EEFSEC: variants seen among roughly 807,000 people sequenced by gnomAD.
EEFSEC encodes selenocysteine-specific elongation factor.
A neutral mutation model predicts 42.1 loss-of-function variants in EEFSEC; 43 were observed. The ratio of observed to expected loss-of-function variants is 1.02; its 90% CI spans 0.80 to 1.32. The LOEUF (loss-of-function observed/expected upper bound fraction) is 1.32, where lower values mean the gene tolerates loss of function less well. Ranked by LOEUF, EEFSEC falls within the 40% of genes most tolerant of loss-of-function variation. EEFSEC has a pLI of 0.00. For synonymous variants in EEFSEC, 354 were observed against 339.1 expected (o/e 1.04, Z -0.48); for missense variants, 745 against 803.6 (o/e 0.93, Z 0.88).
chr3:128,382,609 G>A (rs1264534839), intron 6 of EEFSEC, among the ~76,000 whole-genome samples: 1 of 152,144 alleles, frequency 6.6e-6, no homozygotes, highest in African/African-American at 2.4e-5. Context: ...GATTTTATGG[G>A]CTTGTTTTAG....
At chr3:128,221,964 T>C (rs2065864264) in intron 1 of EEFSEC, among the ~76,000 whole-genome samples, 1 of 152,034 alleles carries the variant, frequency 6.6e-6, no homozygotes, top group African/African-American at 2.4e-5. Context: ...AGATTAATTA[T>C]CTTATTAATG....
In EEFSEC at chr3:128,247,046, A is replaced by G. The variant is rs1250268204; in HGVS notation, c.524+3A>G. ...CAGAAGACCCTAGAGAACACCAAGTAGGTCTGCTAATGAGAGCAATGTTCA... is the reference window on the plus strand; with the variant it reads ...CAGAAGACCCTAGAGAACACCAAGTGGGTCTGCTAATGAGAGCAATGTTCA... On this transcript the variant is annotated splice_donor_region_variant and intron_variant, in intron 2 of 6. Coordinates refer to ENST00000254730, the MANE Select transcript of EEFSEC (RefSeq NM_021937.5). 2 of 1,613,748 alleles carry G rather than the reference A, an allele frequency of 1.2e-6. No individual in the cohort carries two copies. Among genetic ancestry groups the G allele is most frequent in the Non-Finnish European group, 1.7e-6 (2 of 1,179,988 alleles).
At chr3:128,217,019 A>G (rs140112855) in intron 1 of EEFSEC, among the ~76,000 whole-genome samples, 11 of 152,328 alleles carry the variant, frequency 7.2e-5, no homozygotes, top group Non-Finnish European at 1.3e-4. Flanking sequence ...AATTTTTATT[A>G]TAAGTATTTA....
At chr3:128,358,134 G>T in intron 5 of EEFSEC, 83 bp from the exon 6 acceptor site, 1 of 1,544,530 alleles carries the variant, frequency 6.5e-7, no homozygotes, top group Non-Finnish European at 8.8e-7. Context: ...GGGCCCGGGA[G>T]AGCTGGGGCT....
chr3:128,284,169 T>G (rs1454834197), intron 4 of EEFSEC, among the ~76,000 whole-genome samples: 1 of 152,180 alleles, frequency 6.6e-6, no homozygotes, highest in Non-Finnish European at 1.5e-5. Context: ...ATAATGAAGA[T>G]CCTATAGTCA....
chr3:128,312,524 T>A (rs1372610706), intron 4 of EEFSEC, among the ~76,000 whole-genome samples: 1 of 152,232 alleles, frequency 6.6e-6, no homozygotes. Context: ...AGAATACCAG[T>A]GTTTAGAAGA....
rs141933425 is a variant in EEFSEC at position 128,175,322 on chromosome 3, A to G, written c.316+21499A>G. 2.9e-4 allele frequency among the ~76,000 whole-genome samples: 44 copies of G among 152,234 alleles called. No individual in the cohort carries two copies. In the East Asian group the frequency reaches 6.6e-3, roughly 23 times the overall value. On this transcript the variant is annotated intron_variant, in intron 1 of 6. Coordinates refer to ENST00000254730, the MANE Select transcript of EEFSEC (RefSeq NM_021937.5). ...CCTTCAGGTTTCCTGTTGCTTTCTA[A>G]GGGAGGTGCCAGGTGCTGGCCCTGT...
intron 1 of EEFSEC, among the ~76,000 whole-genome samples, chr3:128,165,809 G>C (rs1485884313): frequency 6.6e-6 from 1 of 152,212 alleles, no homozygotes; most frequent in Non-Finnish European, 1.5e-5. Flanking sequence ...TGGCCTGGTG[G>C]CTACATCCCT....
intron 6 of EEFSEC, among the ~76,000 whole-genome samples, chr3:128,365,370 C>T (rs1246755731): frequency 6.6e-6 from 1 of 152,190 alleles, no homozygotes; most frequent in Non-Finnish European, 1.5e-5. Flanking sequence ...GGAGGGTCTC[C>T]TGGGGCATCC....
At chr3:128,348,271 C>CCTGTGTGTGT (rs1553758423) in intron 5 of EEFSEC, among the ~76,000 whole-genome samples, 1 of 147,702 alleles carries the variant, frequency 6.8e-6, no homozygotes, top group African/African-American at 2.5e-5. Context: ...TGTGTGTGTG[C>CCTGTGTGTGT]GTGTGCGTGT....
At chr3:128,384,991 G>T (rs924950260) in intron 6 of EEFSEC, among the ~76,000 whole-genome samples, 2 of 152,178 alleles carry the variant, frequency 1.3e-5, no homozygotes, top group Admixed American at 6.5e-5. Flanking sequence ...TGAATGTGGG[G>T]AAGACCAATA....
chr3:128,314,874 G>A (rs1277495887), intron 4 of EEFSEC, among the ~76,000 whole-genome samples: 1 of 152,206 alleles, frequency 6.6e-6, no homozygotes, highest in Non-Finnish European at 1.5e-5. Context: ...GCTGAGCAGT[G>A]CTGTGCACAA....
chr3:128,396,627 G>A (rs997762176), intron 6 of EEFSEC, among the ~76,000 whole-genome samples: 5 of 152,182 alleles, frequency 3.3e-5, no homozygotes, highest in African/African-American at 7.2e-5. Context: ...GCATGAGGCT[G>A]TGGTGCTGTG....
intron 6 of EEFSEC, among the ~76,000 whole-genome samples, chr3:128,359,643 C>G (rs1240503914): frequency 1.3e-5 from 2 of 152,196 alleles, no homozygotes; most frequent in Admixed American, 6.5e-5. Flanking sequence ...CAAAAATTTT[C>G]AAACATACAG....
chr3:128,362,420 C>T (rs1028747398), intron 6 of EEFSEC, among the ~76,000 whole-genome samples: 8 of 152,218 alleles, frequency 5.3e-5, no homozygotes, highest in Non-Finnish European at 1.0e-4. Context: ...CACATGTGCC[C>T]GTGATCTTAT....
intron 1 of EEFSEC, among the ~76,000 whole-genome samples, chr3:128,232,195 G>A (rs973203707): frequency 2.0e-5 from 3 of 152,160 alleles, no homozygotes; most frequent in African/African-American, 7.2e-5. Context: ...AAGTAAAAAA[G>A]TTGGGCAGGG....
intron 4 of EEFSEC, among the ~76,000 whole-genome samples, chr3:128,285,590 C>T (rs2066575654): frequency 6.6e-6 from 1 of 152,156 alleles, no homozygotes. Flanking sequence ...GCAGGATCCT[C>T]TGTGTTTGGG....
At chr3:128,177,806 G>T (rs1366009202) in intron 1 of EEFSEC, among the ~76,000 whole-genome samples, 2 of 152,174 alleles carry the variant, frequency 1.3e-5, no homozygotes, top group Non-Finnish European at 2.9e-5. Context: ...TGAAGGAGCA[G>T]GCTCAAGTTT....
intron 4 of EEFSEC, among the ~76,000 whole-genome samples, chr3:128,325,795 A>G (rs900808597): frequency 6.6e-6 from 1 of 152,170 alleles, no homozygotes; most frequent in Admixed American, 6.5e-5. Context: ...CAGAGAAAAC[A>G]TTTTCCATGC....
Sources: gnomAD v4.1 joint callset for allele counts (sites outside exome capture counted in the v4.1 genomes callset) on GRCh38, gnomAD v4.1.1 for gene constraint, MANE v1.5 for transcripts, NCBI Gene and HGNC (gene_info 2026-07-23, HGNC 2026-07-21) for gene names.